Variants in MED13L observed in about 807,000 individuals in gnomAD.
MED13L encodes mediator of RNA polymerase II transcription subunit 13-like.
Under a neutral mutation model 220.9 loss-of-function variants are expected in MED13L, and 7 were observed. The observed-to-expected ratio is 0.03, with a 90% CI of 0.02 to 0.06. MED13L has a LOEUF of 0.06. Ranked by LOEUF, MED13L falls within the 10% of genes least tolerant of loss-of-function variation. The pLI is 1.00. For synonymous variants in MED13L, 1,011 were observed against 1,015.2 expected (o/e 1.00, Z 0.08); for missense variants, 1,965 against 2,760.5 (o/e 0.71, Z 6.46).
In MED13L at chr12:116,237,486, T is replaced by C; in HGVS notation, c.292A>G (p.Ile98Val). 1 of 1,612,274 alleles carries C rather than the reference T, an allele frequency of 6.2e-7. No homozygotes were observed. Among genetic ancestry groups the C allele is most frequent in the East Asian group, 2.2e-5 (1 of 44,874 alleles). ...ACCTTACCCTGCAGTTCATGATGTA[T>C]TACACCCACTAGGTTGGGTTCATCT... Reference protein sequence around the residue: ...WGDEPNLVGVIHHELQVVEEG... With the variant: ...WGDEPNLVGVVHHELQVVEEG... Residue 98 changes from isoleucine (I) to valine (V), a missense_variant, in exon 2 of 31, where the codon ATA becomes GTA. Physicochemically the swap from Ile to Val is conservative, Grantham distance 29. Coordinates refer to ENST00000281928, the MANE Select transcript of MED13L (RefSeq NM_015335.5).
chr12:116,203,686 G>A (rs560754257), intron 2 of MED13L, among the ~76,000 whole-genome samples: 1 of 152,186 alleles, frequency 6.6e-6, no homozygotes, highest in South Asian at 2.1e-4. Flanking sequence ...CGGGCATGGT[G>A]GCAGGCGCCT....
At chr12:116,046,829 C>A (rs1340054313) in intron 4 of MED13L, among the ~76,000 whole-genome samples, 1 of 152,064 alleles carries the variant, frequency 6.6e-6, no homozygotes, top group Non-Finnish European at 1.5e-5. Flanking sequence ...AAAAATTAGT[C>A]GGGCATGGTG....
chr12:116,152,971 G>A (rs998051665), intron 2 of MED13L, among the ~76,000 whole-genome samples: 4 of 151,990 alleles, frequency 2.6e-5, no homozygotes, highest in Non-Finnish European at 5.9e-5. Flanking sequence ...TTCCGAGTCT[G>A]TGAGATCTGG....
chr12:116,020,382 C>T (rs928261219), intron 5 of MED13L, among the ~76,000 whole-genome samples: 1 of 152,146 alleles, frequency 6.6e-6, no homozygotes, highest in East Asian at 1.9e-4. Flanking sequence ...ATAGCCTGTA[C>T]AATGTAAACA....
At chr12:116,000,259 CA>C (rs941094233) in intron 14 of MED13L, among the ~76,000 whole-genome samples, 13 of 152,184 alleles carry the variant, frequency 8.5e-5, no homozygotes, top group Admixed American at 6.5e-4. Flanking sequence ...CTCCAAGAAA[CA>C]CTTTGGTCCT....
intron 2 of MED13L, among the ~76,000 whole-genome samples, chr12:116,133,139 C>A (rs1876227576): frequency 6.6e-6 from 1 of 152,148 alleles, no homozygotes; most frequent in Non-Finnish European, 1.5e-5. Flanking sequence ...AGTGAATGGG[C>A]ACAATTATCT....
intron 17 of MED13L, 99 bp downstream of exon 17, chr12:115,990,921 T>C: frequency 7.6e-7 from 1 of 1,314,476 alleles, no homozygotes; most frequent in Non-Finnish European, 1.1e-6. Context: ...CCGAAAGACA[T>C]GAAATTAAAA....
chr12:116,170,109 T>C (rs1453314578), intron 2 of MED13L, among the ~76,000 whole-genome samples: 3 of 152,216 alleles, frequency 2.0e-5, no homozygotes, highest in South Asian at 2.1e-4. Context: ...TTATCAAGCA[T>C]TGGTCATTTG....
intron 2 of MED13L, among the ~76,000 whole-genome samples, chr12:116,177,726 CTA>C (rs900198592): frequency 6.6e-6 from 1 of 152,044 alleles, no homozygotes; most frequent in Non-Finnish European, 1.5e-5. Flanking sequence ...TAAATCTGAC[CTA>C]TGAGGAAAAA....
rs57622950 is a variant in MED13L at position 116,119,809 on chromosome 12, TAAAAAAAAAAAAAAAAA to T, written c.311-8314_311-8298del. On this transcript the variant is annotated intron_variant, in intron 2 of 30. Coordinates refer to ENST00000281928, the MANE Select transcript of MED13L (RefSeq NM_015335.5). ...GCAAGAGAGAAAGACCCCATATCTT[TAAAAAAAAAAAAAAAAA>T]AAAAAAAAAAAAATATATATATATA... 3.1e-4 allele frequency among the ~76,000 whole-genome samples: 12 copies of T among 38,784 alleles called. 1 individual carries two copies. The highest frequency in any genetic ancestry group is 9.1e-4 in the Admixed American group (2 of 2,200). 25.4% of individuals were successfully genotyped at this position (38,784 alleles called of 152,430 possible).
chr12:116,054,311 C>T (rs547260303), intron 4 of MED13L, among the ~76,000 whole-genome samples: 2 of 152,178 alleles, frequency 1.3e-5, no homozygotes, highest in African/African-American at 4.8e-5. Context: ...CAGAAAATAT[C>T]ATATCCCACA....
intron 2 of MED13L, among the ~76,000 whole-genome samples, chr12:116,132,183 A>T (rs1876128476): frequency 6.7e-6 from 1 of 149,790 alleles, no homozygotes; most frequent in Non-Finnish European, 1.5e-5. Flanking sequence ...CAGGAGGCTC[A>T]GGTGAAGAAT....
chr12:116,177,070 A>G (rs114254528), intron 2 of MED13L, among the ~76,000 whole-genome samples: 1 of 152,104 alleles, frequency 6.6e-6, no homozygotes, highest in Admixed American at 6.6e-5. Flanking sequence ...ACATACAAAA[A>G]AGTACAGGTA....
At chr12:116,020,951 T>C (rs1004094968) in intron 5 of MED13L, among the ~76,000 whole-genome samples, 5 of 152,200 alleles carry the variant, frequency 3.3e-5, no homozygotes, top group Non-Finnish European at 7.4e-5. Flanking sequence ...ACATCACATG[T>C]ATCGTTGAGT....
intron 23 of MED13L, chr12:115,980,540 T>A (rs1336398319): frequency 1.6e-6 from 1 of 615,116 alleles, no homozygotes; most frequent in Non-Finnish European, 2.9e-6. Context: ...CCCAGTGTGG[T>A]CTCAAACTCC....
intron 3 of MED13L, among the ~76,000 whole-genome samples, chr12:116,099,794 C>T (rs564983169): frequency 6.6e-5 from 10 of 152,178 alleles, no homozygotes; most frequent in Non-Finnish European, 1.3e-4. Context: ...GGCAAAAAGG[C>T]TGATGAAAAC....
intron 3 of MED13L, among the ~76,000 whole-genome samples, chr12:116,107,694 T>C (rs536410013): frequency 7.1e-4 from 108 of 152,302 alleles, no homozygotes; most frequent in Non-Finnish European, 1.0e-3. Context: ...GCAGAAATAA[T>C]AGATCACAAT....
At chr12:116,276,912 G>C (rs1482961147) in intron 1 of MED13L, 148 bp downstream of exon 1, 1 of 1,007,520 alleles carries the variant, frequency 9.9e-7, no homozygotes, top group Non-Finnish European at 1.5e-6. Context: ...CGATCCAAAA[G>C]GGGGAGAATC....
chr12:116,022,740 C>G, intron 4 of MED13L, 139 bp from the exon 5 acceptor site: 1 of 898,120 alleles, frequency 1.1e-6, no homozygotes, highest in East Asian at 2.6e-5. Flanking sequence ...AAAAGAGAAA[C>G]TTCTAATTCA....
Sources: allele counts gnomAD v4.1 joint callset (sites outside exome capture counted in the v4.1 genomes callset), GRCh38; gene constraint gnomAD v4.1.1; transcripts MANE v1.5; gene names NCBI Gene and HGNC (gene_info 2026-07-23, HGNC 2026-07-21).